The following AGBL4 variants were observed in gnomAD, a reference collection of about 807,000 sequenced individuals.
AGBL4 encodes cytosolic carboxypeptidase 6.
AGBL4 carries 58 observed loss-of-function variants against 66.4 expected under a neutral mutation model. The ratio of observed to expected loss-of-function variants is 0.87; its 90% CI spans 0.71 to 1.09. The LOEUF is 1.09. Ranked by LOEUF, AGBL4 falls within the 50% of genes least tolerant of loss-of-function variation. The pLI, the probability that AGBL4 is intolerant of heterozygous loss-of-function variation, is 0.00. For missense variants in AGBL4, 579 were observed against 631.0 expected (o/e 0.92, Z 0.88); for synonymous variants, 234 against 222.9 (o/e 1.05, Z -0.44).
chr1:48,634,625 G>C (rs760170093), intron 8 of AGBL4, 21 bp from the exon 9 acceptor site: 2 of 1,543,954 alleles, frequency 1.3e-6, no homozygotes, highest in South Asian at 1.2e-5. Flanking sequence ...CCCAAAGTAA[G>C]AGTCAATATA....
intron 5 of AGBL4, among the ~76,000 whole-genome samples, chr1:49,036,484 G>C (rs1305403229): frequency 1.3e-5 from 2 of 152,070 alleles, no homozygotes; most frequent in African/African-American, 2.4e-5. Flanking sequence ...TGAATTCTCT[G>C]GGGGTAGGAG....
intron 6 of AGBL4, among the ~76,000 whole-genome samples, chr1:48,678,972 G>A (rs990755542): frequency 6.6e-6 from 1 of 152,206 alleles, no homozygotes; most frequent in Admixed American, 6.5e-5. Flanking sequence ...TCCCAACTTT[G>A]GTTCAAACTC....
At chr1:49,383,495 CATAT>C (rs1644666842) in intron 3 of AGBL4, among the ~76,000 whole-genome samples, 3 of 152,050 alleles carry the variant, frequency 2.0e-5, no homozygotes, top group Non-Finnish European at 1.5e-5. Flanking sequence ...TAAACCCTCA[CATAT>C]ATGGTCAACT....
At chr1:48,553,858 C>A (rs1644284018) in intron 11 of AGBL4, among the ~76,000 whole-genome samples, 1 of 152,116 alleles carries the variant, frequency 6.6e-6, no homozygotes, top group African/African-American at 2.4e-5. Flanking sequence ...TAGTGAGAAT[C>A]TGGCAGAGTG....
At chr1:49,074,806 T>C (rs1644678998) in intron 4 of AGBL4, among the ~76,000 whole-genome samples, 1 of 152,182 alleles carries the variant, frequency 6.6e-6, no homozygotes. Context: ...GGGGATCTTC[T>C]ACAAGCATAT....
At chr1:49,669,159 A>G (rs1419190605) in intron 3 of AGBL4, among the ~76,000 whole-genome samples, 1 of 152,144 alleles carries the variant, frequency 6.6e-6, no homozygotes, top group East Asian at 1.9e-4. Context: ...TGAGAATAGA[A>G]CCCTCAAATA....
chr1:49,525,949 G>A (rs552898135), intron 3 of AGBL4, among the ~76,000 whole-genome samples: 94 of 151,886 alleles, frequency 6.2e-4, no homozygotes, highest in South Asian at 1.2e-3. Flanking sequence ...AAAATTAGCC[G>A]GGCATGGTGG....
At position 49,513,344 on chromosome 1, in the gene AGBL4, T is replaced by A. The variant is rs573420039; in HGVS notation, c.282+183969A>T. On this transcript the variant is annotated intron_variant, in intron 3 of 13. Coordinates refer to ENST00000371839, the MANE Select transcript of AGBL4 (RefSeq NM_032785.4). ...TTTGTTACATAGGAATATTGCATGA[T>A]GCTGGGATTTGGAATATGGATCCTG... Among the ~76,000 whole-genome samples the A allele has an allele frequency of 2.6e-5, 4 of 152,104 alleles. No homozygotes were observed. The South Asian group carries it at 8.3e-4, about 32-fold the overall frequency.
At chr1:49,770,351 T>C (rs1320016838) in intron 2 of AGBL4, among the ~76,000 whole-genome samples, 3 of 152,218 alleles carry the variant, frequency 2.0e-5, no homozygotes, top group Admixed American at 1.3e-4. Flanking sequence ...TTGAACCATC[T>C]TGTATCCCAG....
chr1:48,648,530 G>A (rs529745689), intron 8 of AGBL4, among the ~76,000 whole-genome samples: 1 of 152,324 alleles, frequency 6.6e-6, no homozygotes, highest in African/African-American at 2.4e-5. Context: ...ATGCTCAGGA[G>A]AGTAGTGAAA....
At chr1:49,385,784 G>A (rs2148583392) in intron 3 of AGBL4, among the ~76,000 whole-genome samples, 1 of 152,120 alleles carries the variant, frequency 6.6e-6, no homozygotes, top group African/African-American at 2.4e-5. Context: ...ACTCACAGCA[G>A]GGCATCCAAA....
At chr1:48,744,341 C>G (rs1462886304) in intron 6 of AGBL4, among the ~76,000 whole-genome samples, 1 of 152,228 alleles carries the variant, frequency 6.6e-6, no homozygotes, top group Non-Finnish European at 1.5e-5. Context: ...TTTCTTCTCT[C>G]TGTGTGGGAT....
chr1:49,782,512 T>A (rs1378598384), intron 2 of AGBL4, among the ~76,000 whole-genome samples: 1 of 152,180 alleles, frequency 6.6e-6, no homozygotes, highest in Non-Finnish European at 1.5e-5. Context: ...GAATCCTCCA[T>A]GTGATGTACT....
intron 6 of AGBL4, among the ~76,000 whole-genome samples, chr1:48,866,241 G>A (rs1648072628): frequency 6.6e-6 from 1 of 152,146 alleles, no homozygotes; most frequent in South Asian, 2.1e-4. Context: ...AGGCTTTGTG[G>A]AGGGAAGGGC....
chr1:49,751,175 A>G (rs968762702), intron 2 of AGBL4, among the ~76,000 whole-genome samples: 4 of 152,168 alleles, frequency 2.6e-5, no homozygotes, highest in Non-Finnish European at 4.4e-5. Flanking sequence ...TTCAAAGATA[A>G]TGCTTCCAGA....
At chr1:49,715,318 G>A (rs1490788177) in intron 2 of AGBL4, among the ~76,000 whole-genome samples, 1 of 152,136 alleles carries the variant, frequency 6.6e-6, no homozygotes, top group Non-Finnish European at 1.5e-5. Context: ...TGGCTGCATA[G>A]TATTCTATGG....
rs575403893 is a variant in AGBL4 at position 49,392,240 on chromosome 1, G to A, written c.283-146376C>T. Among the ~76,000 whole-genome samples, 3 of 152,206 alleles carry A rather than the reference G, an allele frequency of 2.0e-5. No individual in the cohort carries two copies. The South Asian group carries it at 6.2e-4, about 32-fold the overall frequency. ...TAATTATAGCCACATTATGGTTAAC[G>A]GCTACTATATTAAGCAGCATAGACA... is the stretch of plus-strand genomic sequence containing the variant. On this transcript the variant is annotated intron_variant, in intron 3 of 13. Coordinates refer to ENST00000371839, the MANE Select transcript of AGBL4 (RefSeq NM_032785.4).
chr1:48,524,851 T>TG, the AGBL4 span, among the ~76,000 whole-genome samples: 224 of 149,200 alleles, frequency 1.5e-3, 2 homozygotes, highest in African/African-American at 3.8e-3. Context: ...CTTTCTCCTT[T>TG]TTTTTTTTTT....
intron 6 of AGBL4, among the ~76,000 whole-genome samples, chr1:48,865,994 G>C (rs927631484): frequency 5.8e-4 from 88 of 152,170 alleles, no homozygotes; most frequent in Non-Finnish European, 1.3e-4. Flanking sequence ...CTATGGAATA[G>C]AGTAAACTTT....
Sources: gnomAD v4.1 joint callset for allele counts (sites outside exome capture counted in the v4.1 genomes callset) on GRCh38, gnomAD v4.1.1 for gene constraint, MANE v1.5 for transcripts, NCBI Gene and HGNC (gene_info 2026-07-23, HGNC 2026-07-21) for gene names.